NAALADL2: variants seen among roughly 807,000 people sequenced by gnomAD.
The protein encoded by NAALADL2 is N-acetylated alpha-linked acidic dipeptidase like 2.
Under a neutral mutation model 87.2 loss-of-function variants are expected in NAALADL2, and 76 were observed. The ratio of observed to expected loss-of-function variants is 0.87; its 90% CI spans 0.72 to 1.05. The LOEUF (loss-of-function observed/expected upper bound fraction) is 1.05. NAALADL2 is among the 50% of genes least tolerant of loss of function. The pLI, the probability that NAALADL2 is intolerant of heterozygous loss-of-function variation, is 0.00. For synonymous variants in NAALADL2, 354 were observed against 331.0 expected (o/e 1.07, Z -0.75); for missense variants, 1,089 against 945.8 (o/e 1.15, Z -1.99).
At chr3:174,607,008 T>A (rs1719155874) in intron 2 of NAALADL2, among the ~76,000 whole-genome samples, 1 of 152,140 alleles carries the variant, frequency 6.6e-6, no homozygotes, top group Admixed American at 6.5e-5. Flanking sequence ...TGGGGGCCAA[T>A]ACTCAACATT....
intron 1 of NAALADL2, among the ~76,000 whole-genome samples, chr3:175,051,870 A>G (rs1384126113): frequency 6.6e-6 from 1 of 152,176 alleles, no homozygotes; most frequent in Non-Finnish European, 1.5e-5. Flanking sequence ...CTGAACACAT[A>G]AAGAGGAAGC....
intron 3 of NAALADL2, among the ~76,000 whole-genome samples, chr3:174,749,953 CTTCTTTATTT>C (rs1319264312): frequency 6.6e-6 from 1 of 152,092 alleles, no homozygotes; most frequent in Admixed American, 6.5e-5. Flanking sequence ...TTTTAAAATT[CTTCTTTATTT>C]TTCATTTTAT....
intron 2 of NAALADL2, among the ~76,000 whole-genome samples, chr3:174,691,506 T>C (rs1398487648): frequency 6.6e-6 from 1 of 152,216 alleles, no homozygotes; most frequent in East Asian, 1.9e-4. Context: ...TAATTTTTGT[T>C]GGTGGAGAGT....
chr3:174,728,397 G>A (rs887426592), intron 2 of NAALADL2, among the ~76,000 whole-genome samples: 4 of 152,012 alleles, frequency 2.6e-5, no homozygotes, highest in Non-Finnish European at 5.9e-5. Context: ...AAGAAGTTAT[G>A]TATTAGGATA....
chr3:174,932,013 G>T (rs12488154), intron 1 of NAALADL2, among the ~76,000 whole-genome samples: 26,224 of 152,162 alleles, frequency 0.17, 2,959 homozygotes, highest in East Asian at 0.46. Context: ...AATCAATCCA[G>T]TGATGGCAGA....
rs1319845557 is a variant in NAALADL2 at position 175,436,102 on chromosome 3, T to C, written c.1091-11127T>C. On this transcript the variant is annotated intron_variant, in intron 5 of 13. Coordinates refer to ENST00000454872, the MANE Select transcript of NAALADL2 (RefSeq NM_207015.3). ...ACCTATGAGTGAGAATATGCGGTGTTTGGTTTTTTGATCTTGCGATAGTTT... is the reference window on the plus strand; with the variant it reads ...ACCTATGAGTGAGAATATGCGGTGTCTGGTTTTTTGATCTTGCGATAGTTT... Among the ~76,000 whole-genome samples the C allele has an allele frequency of 1.7e-4, 24 of 145,434 alleles. No individual in the cohort carries two copies. In the East Asian group the frequency reaches 4.8e-3, roughly 29 times the overall value.
intron 10 of NAALADL2, among the ~76,000 whole-genome samples, chr3:175,618,670 G>C (rs560896968): frequency 8.0e-4 from 121 of 152,200 alleles, no homozygotes; most frequent in African/African-American, 2.6e-3. Flanking sequence ...ACAGGATGGA[G>C]GGAGAGAGAG....
intron 1 of NAALADL2, among the ~76,000 whole-genome samples, chr3:175,080,510 A>C: frequency 6.6e-6 from 1 of 152,222 alleles, no homozygotes; most frequent in Non-Finnish European, 1.5e-5. Flanking sequence ...AGAGTTAGCA[A>C]GATTTGCTCA....
intron 1 of NAALADL2, among the ~76,000 whole-genome samples, chr3:175,089,547 A>G (rs1719681233): frequency 2.0e-5 from 3 of 152,134 alleles, no homozygotes; most frequent in Admixed American, 2.0e-4. Flanking sequence ...GGAGGTAAAG[A>G]CCTAACTTTA....
Position 174,948,190 on chromosome 3 carries a change from T to C in NAALADL2, c.43+88740T>C, listed in dbSNP as rs1247007558. Among the ~76,000 whole-genome samples the C allele has an allele frequency of 2.0e-5, 3 of 152,160 alleles. No homozygotes were observed. In the East Asian group the frequency reaches 5.8e-4, roughly 29 times the overall value. ...ATTTATTTATTTATTTATTTATTTATTTTTGAGATGGAGTCTTGCTCTGTC... is the reference window on the plus strand; with the variant it reads ...ATTTATTTATTTATTTATTTATTTACTTTTGAGATGGAGTCTTGCTCTGTC... On this transcript the variant is annotated intron_variant, in intron 1 of 13. Transcript: ENST00000454872.
intron 1 of NAALADL2, among the ~76,000 whole-genome samples, chr3:174,886,459 C>G (rs1248282455): frequency 6.6e-6 from 1 of 152,140 alleles, no homozygotes; most frequent in Admixed American, 6.5e-5. Context: ...ACAGACACAC[C>G]CATGAACAAT....
intron 11 of NAALADL2, among the ~76,000 whole-genome samples, chr3:175,645,033 A>T (rs1290484640): frequency 6.6e-6 from 1 of 152,144 alleles, no homozygotes; most frequent in Non-Finnish European, 1.5e-5. Context: ...AATTCGTTTT[A>T]TAGATAATTA....
intron 2 of NAALADL2, among the ~76,000 whole-genome samples, chr3:174,609,021 A>G (rs1185795777): frequency 8.6e-5 from 13 of 151,654 alleles, no homozygotes; most frequent in Admixed American, 1.3e-4. Flanking sequence ...ACGCAAATCA[A>G]TAAATGTAAT....
intron 5 of NAALADL2, among the ~76,000 whole-genome samples, chr3:175,417,672 A>G (rs1453289258): frequency 6.6e-6 from 1 of 152,134 alleles, no homozygotes; most frequent in Admixed American, 6.6e-5. Flanking sequence ...AAGAGGAAAC[A>G]TATGTAAAAT....
intron 2 of NAALADL2, among the ~76,000 whole-genome samples, chr3:174,632,933 CAAAAAAA>C (rs56809226): frequency 6.3e-5 from 4 of 63,776 alleles, no homozygotes; most frequent in South Asian, 5.5e-4. Flanking sequence ...GACTCTGTCT[CAAAAAAA>C]AAAAAAAAAA....
intron 6 of NAALADL2, among the ~76,000 whole-genome samples, chr3:175,455,677 T>G (rs1722222508): frequency 6.6e-6 from 1 of 152,038 alleles, no homozygotes; most frequent in African/African-American, 2.4e-5. Context: ...TATATGTACT[T>G]GAAAGTTTAC....
intron 1 of NAALADL2, among the ~76,000 whole-genome samples, chr3:175,045,543 A>G (rs1754563949): frequency 6.6e-6 from 1 of 152,188 alleles, no homozygotes; most frequent in Non-Finnish European, 1.5e-5. Flanking sequence ...TCAGAGGAAC[A>G]AGTTAGCCTC....
At chr3:175,592,483 C>T (rs903329839) in intron 10 of NAALADL2, among the ~76,000 whole-genome samples, 3 of 151,908 alleles carry the variant, frequency 2.0e-5, no homozygotes, top group Admixed American at 6.6e-5. Flanking sequence ...TACCTTTTCA[C>T]GACCATGTCA....
chr3:174,797,443 T>C (rs759304412), intron 3 of NAALADL2, among the ~76,000 whole-genome samples: 8 of 151,012 alleles, frequency 5.3e-5, no homozygotes, highest in Non-Finnish European at 1.0e-4. Context: ...TCCAGAGTAG[T>C]GGAATTGCAG....
Sources: allele counts gnomAD v4.1 joint callset (sites outside exome capture counted in the v4.1 genomes callset), GRCh38; gene constraint gnomAD v4.1.1; transcripts MANE v1.5; gene names NCBI Gene and HGNC (gene_info 2026-07-23, HGNC 2026-07-21).